SPATA6: variants seen among roughly 807,000 people sequenced by gnomAD.
SPATA6 encodes the protein spermatogenesis-associated protein 6.
A neutral mutation model predicts 65.3 loss-of-function variants in SPATA6; 56 were observed. That is an observed-to-expected ratio of 0.86 (90% CI 0.69 to 1.07). SPATA6 has a LOEUF of 1.07. Ranked by LOEUF, SPATA6 falls within the 50% of genes least tolerant of loss-of-function variation. SPATA6 has a pLI of 0.00. For missense variants in SPATA6, 590 were observed against 594.8 expected, an observed-to-expected ratio of 0.99 and a Z score of 0.08; for synonymous variants, 199 against 213.2, an observed-to-expected ratio of 0.93 and a Z score of 0.58.
intron 9 of SPATA6, 52 bp downstream of exon 9, chr1:48,385,257 G>T: frequency 6.7e-7 from 1 of 1,498,864 alleles, no homozygotes; most frequent in East Asian, 2.4e-5. Flanking sequence ...ATAGACTCAT[G>T]TTGTTGTCTG....
chr1:48,285,568 G>A, the SPATA6 span, among the ~76,000 whole-genome samples: 1 of 152,024 alleles, frequency 6.6e-6, no homozygotes, highest in Non-Finnish European at 1.5e-5. Context: ...GGCCCTGGTG[G>A]CATGGCACCC....
intron 3 of SPATA6, among the ~76,000 whole-genome samples, chr1:48,427,261 A>T (rs556698634): frequency 1.2e-4 from 18 of 152,246 alleles, no homozygotes; most frequent in Admixed American, 3.9e-4. Context: ...TATGAATTAA[A>T]ATAAACAGGA....
intron 6 of SPATA6, among the ~76,000 whole-genome samples, chr1:48,403,128 C>CTCTA (rs1651335638): frequency 6.6e-6 from 1 of 152,032 alleles, no homozygotes; most frequent in Non-Finnish European, 1.5e-5. Flanking sequence ...TGCCACTGCA[C>CTCTA]TCTACCCTGG....
At chr1:48,263,449 C>T in the SPATA6 span, among the ~76,000 whole-genome samples, 107 of 152,086 alleles carry the variant, frequency 7.0e-4, 1 homozygote, top group Admixed American at 2.6e-3. Flanking sequence ...CAATACCCAC[C>T]GATGTGCGCC....
rs1232370596 is a variant in SPATA6 at position 48,363,755 on chromosome 1, C to T, written c.910-3985G>A. ...AAACTGGTACAGGTAAAAAAGGAAA[C>T]TTCTTTTTTTTCATGTTGCCTTTTT... On this transcript the variant is annotated intron_variant, in intron 9 of 12. Coordinates refer to ENST00000371847, the MANE Select transcript of SPATA6 (RefSeq NM_019073.4). Among the ~76,000 whole-genome samples, 9 of 119,856 alleles carry T rather than the reference C, an allele frequency of 7.5e-5. No homozygotes were observed. The South Asian group carries it at 2.4e-3, about 32-fold the overall frequency. The allele number at this position is 119,856 out of a possible 152,430, so 78.6% of individuals were successfully genotyped here.
rs139235295 is a variant in SPATA6, at chr1:48,466,301, A to G, written c.51+5657T>C. ...AAGGAAATGAACTAGACCTGCAAGA[A>G]TCAACACTGAAAAATCTCAAAAACA... On this transcript the variant is annotated intron_variant, in intron 1 of 12. Coordinates refer to ENST00000371847, the MANE Select transcript of SPATA6 (RefSeq NM_019073.4). Among the ~76,000 whole-genome samples, 808 of 152,296 alleles carry G rather than the reference A, an allele frequency of 5.3e-3. 22 individuals are homozygous for G. Among genetic ancestry groups the G allele is most frequent in the South Asian group, 0.051 (244 of 4,830 alleles).
At chr1:48,397,163 T>C (rs893552496) in intron 7 of SPATA6, among the ~76,000 whole-genome samples, 1 of 151,566 alleles carries the variant, frequency 6.6e-6, no homozygotes, top group African/African-American at 2.4e-5. Flanking sequence ...GGCAAATTCA[T>C]AGAGACAGAA....
At chr1:48,395,450 T>C (rs1281339338) in intron 7 of SPATA6, 96 bp from the exon 8 acceptor site, 1 of 722,162 alleles carries the variant, frequency 1.4e-6, no homozygotes, top group African/African-American at 1.8e-5. Flanking sequence ...ACAGAGAGCA[T>C]ATATAATCAG....
rs568536738 is a variant in SPATA6 at position 48,448,304 on chromosome 1, A to T, written c.238+3248T>A. 3.3e-5 allele frequency among the ~76,000 whole-genome samples: 5 copies of T among 152,014 alleles called. No homozygotes were observed. The South Asian group carries it at 1.0e-3, about 32-fold the overall frequency. The stretch of plus-strand genomic sequence containing the variant: ...GAAGCTGAAAAAGGAAGAGCAAAGC[A>T]TAGGCAAAGTAGGTACAGGTTGAAT... On this transcript the variant is annotated intron_variant, in intron 3 of 12. Transcript: ENST00000371847.
chr1:48,327,794 T>G (rs181903991), intron 11 of SPATA6, among the ~76,000 whole-genome samples: 3 of 152,064 alleles, frequency 2.0e-5, no homozygotes, highest in African/African-American at 7.2e-5. Context: ...ATGAAAAGAA[T>G]AGACATTGGA....
intron 4 of SPATA6, among the ~76,000 whole-genome samples, chr1:48,412,554 C>T (rs1273957355): frequency 6.6e-6 from 1 of 152,170 alleles, no homozygotes; most frequent in East Asian, 1.9e-4. Flanking sequence ...GGTCTACTGA[C>T]ATTTTACACA....
the SPATA6 span, chr1:48,262,306 T>C: frequency 6.6e-6 from 1 of 152,106 alleles, no homozygotes; most frequent in Non-Finnish European, 1.5e-5. Context: ...TTAAGTCTTA[T>C]CCAAACCAAA....
At chr1:48,436,464 T>C in intron 3 of SPATA6, 2 of 1,607,812 alleles carry the variant, frequency 1.2e-6, no homozygotes, top group Non-Finnish European at 1.7e-6. Flanking sequence ...ACATTATCTT[T>C]GGAGCTGTGA....
chr1:48,381,016 T>C (rs1164571554), intron 9 of SPATA6, among the ~76,000 whole-genome samples: 1 of 152,206 alleles, frequency 6.6e-6, no homozygotes, highest in Non-Finnish European at 1.5e-5. Flanking sequence ...ATTAGTTAGA[T>C]TCTCACAAGG....
At chr1:48,337,290 T>C (rs909319102) in intron 11 of SPATA6, among the ~76,000 whole-genome samples, 4 of 151,890 alleles carry the variant, frequency 2.6e-5, no homozygotes, top group Admixed American at 2.6e-4. Context: ...AGCAGAATAA[T>C]CATCTCAGTA....
At chr1:48,469,468 CTATTTATA>C (rs998378314) in intron 1 of SPATA6, among the ~76,000 whole-genome samples, 1 of 43,394 alleles carries the variant, frequency 2.3e-5, no homozygotes, top group African/African-American at 7.4e-5. Flanking sequence ...AAACAAATAT[CTATTTATA>C]TATATATATA....
At chr1:48,435,793 G>A (rs1375644026) in intron 3 of SPATA6, among the ~76,000 whole-genome samples, 2 of 152,094 alleles carry the variant, frequency 1.3e-5, no homozygotes, top group East Asian at 1.9e-4. Flanking sequence ...TCGCCCCTCC[G>A]CGAGCAGGGC....
the SPATA6 span, among the ~76,000 whole-genome samples, chr1:48,284,602 G>A: frequency 0.016 from 2,484 of 152,190 alleles, 81 homozygotes; most frequent in African/African-American, 0.057. Context: ...GGTGACCTTC[G>A]GATGGGGTTT....
intron 6 of SPATA6, 133 bp from the exon 7 acceptor site, chr1:48,399,777 T>G: frequency 1.3e-6 from 1 of 745,572 alleles, no homozygotes; most frequent in Non-Finnish European, 2.1e-6. Context: ...CCTTCCTATC[T>G]GTGCTGATCC....
Sources: allele counts gnomAD v4.1 joint callset (sites outside exome capture counted in the v4.1 genomes callset), GRCh38; gene constraint gnomAD v4.1.1; transcripts MANE v1.5; gene names NCBI Gene and HGNC (gene_info 2026-07-23, HGNC 2026-07-21).